The following RAB7A variants were observed in gnomAD, a reference collection of about 807,000 sequenced individuals.
RAB7A encodes RAB7A, member RAS oncogene family.
Under a neutral mutation model 24.5 loss-of-function variants are expected in RAB7A, and 2 were observed. That is an observed-to-expected ratio of 0.08 (90% confidence interval 0.03 to 0.26). RAB7A has a LOEUF of 0.26. RAB7A is among the 10% of genes least tolerant of loss of function. The pLI, the probability that RAB7A is intolerant of heterozygous loss-of-function variation, is 1.00. For missense variants in RAB7A, 118 were observed against 255.7 expected (o/e 0.46, Z 3.67); for synonymous variants, 100 against 95.9 (o/e 1.04, Z -0.25).
chr3:128,743,059 C>A (rs1411837022), intron 1 of RAB7A, among the ~76,000 whole-genome samples: 1 of 152,190 alleles, frequency 6.6e-6, no homozygotes, highest in African/African-American at 2.4e-5. Context: ...GGTCCAGAGC[C>A]CTGCCCCACG....
At chr3:128,753,215 C>T (rs899389867) in intron 1 of RAB7A, among the ~76,000 whole-genome samples, 1 of 152,072 alleles carries the variant, frequency 6.6e-6, no homozygotes, top group African/African-American at 2.4e-5. Context: ...TATGCAGCAA[C>T]ATGGATGAAA....
intron 1 of RAB7A, among the ~76,000 whole-genome samples, chr3:128,772,644 T>TG (rs1032261329): frequency 1.3e-5 from 2 of 152,266 alleles, no homozygotes; most frequent in Non-Finnish European, 2.9e-5. Flanking sequence ...CTTGTGCCCT[T>TG]TCGCAAATTG....
intron 2 of RAB7A, among the ~76,000 whole-genome samples, chr3:128,795,751 C>CTGTTTTTTTTTTTTTTTTTTT (rs1933554904): frequency 2.3e-5 from 1 of 43,032 alleles, no homozygotes; most frequent in Non-Finnish European, 4.7e-5. Flanking sequence ...AGCAGATGTG[C>CTGTTTTTTTTTTTTTTTTTTT]TTTTTTTTTT....
chr3:128,781,324 C>G (rs1176405199), intron 1 of RAB7A, among the ~76,000 whole-genome samples: 1 of 152,162 alleles, frequency 6.6e-6, no homozygotes, highest in African/African-American at 2.4e-5. Flanking sequence ...TGTGCATTAT[C>G]TCATTTGTGG....
intron 1 of RAB7A, among the ~76,000 whole-genome samples, chr3:128,729,679 A>G (rs1210000605): frequency 6.6e-6 from 1 of 152,196 alleles, no homozygotes; most frequent in East Asian, 1.9e-4. Context: ...AGACCACGCA[A>G]ATATGACAGT....
intron 1 of RAB7A, among the ~76,000 whole-genome samples, chr3:128,774,141 T>C (rs1933023853): frequency 7.1e-6 from 1 of 140,806 alleles, no homozygotes; most frequent in African/African-American, 2.6e-5. Context: ...TCTTCTGATA[T>C]GGAAAGAGGT....
chr3:128,802,165 C>A (rs546372135), intron 3 of RAB7A, among the ~76,000 whole-genome samples: 9 of 152,284 alleles, frequency 5.9e-5, no homozygotes, highest in African/African-American at 1.9e-4. Flanking sequence ...TTTTTGGAAT[C>A]GTGAGTATGT....
intron 1 of RAB7A, among the ~76,000 whole-genome samples, chr3:128,761,155 C>G (rs919516226): frequency 6.6e-6 from 1 of 152,138 alleles, no homozygotes; most frequent in Non-Finnish European, 1.5e-5. Flanking sequence ...AAAATTCTGG[C>G]CTGTATTCTT....
At chr3:128,755,449 A>G (rs192225821) in intron 1 of RAB7A, among the ~76,000 whole-genome samples, 4 of 152,358 alleles carry the variant, frequency 2.6e-5, no homozygotes, top group Admixed American at 2.6e-4. Flanking sequence ...ACACCTTAAC[A>G]AAGTAGAAAA....
At chr3:128,805,008 C>T (rs915319063) in intron 3 of RAB7A, among the ~76,000 whole-genome samples, 12 of 152,142 alleles carry the variant, frequency 7.9e-5, no homozygotes, top group Non-Finnish European at 1.5e-5. Context: ...GAGAGTATCA[C>T]ATGTGCAGTC....
At chr3:128,748,842 C>T (rs2070647154) in intron 1 of RAB7A, 1 of 152,180 alleles carries the variant, frequency 6.6e-6, no homozygotes, top group South Asian at 2.1e-4. Context: ...TAACATATCT[C>T]GTCTTGCAGT....
At chr3:128,750,070 C>T (rs116411100) in intron 1 of RAB7A, among the ~76,000 whole-genome samples, 284 of 152,266 alleles carry the variant, frequency 1.9e-3, no homozygotes, top group African/African-American at 6.2e-3. Context: ...GACCAAAAGC[C>T]TGATAGCAAT....
At chr3:128,767,712 C>T (rs1193649179) in intron 1 of RAB7A, among the ~76,000 whole-genome samples, 2 of 152,122 alleles carry the variant, frequency 1.3e-5, no homozygotes, top group African/African-American at 2.4e-5. Context: ...ACAAGGCAGA[C>T]GTTTGCAGCA....
chr3:128,742,816 TA>T (rs1256758463), intron 1 of RAB7A, among the ~76,000 whole-genome samples: 1 of 152,072 alleles, frequency 6.6e-6, no homozygotes, highest in Non-Finnish European at 1.5e-5. Context: ...TAGCTAGACA[TA>T]AAAGTTCTTC....
intron 3 of RAB7A, among the ~76,000 whole-genome samples, chr3:128,806,064 T>C (rs76084482): frequency 0.016 from 2,374 of 152,312 alleles, 59 homozygotes; most frequent in African/African-American, 0.054. Flanking sequence ...CTAAGTTTTA[T>C]TTATAGTTCA....
At chr3:128,791,893 G>T (rs1297737027) in intron 1 of RAB7A, among the ~76,000 whole-genome samples, 1 of 152,160 alleles carries the variant, frequency 6.6e-6, no homozygotes, top group Non-Finnish European at 1.5e-5. Flanking sequence ...CTGCCTGCCA[G>T]CTTTGTCTGT....
chr3:128,728,729 C>G (rs865801233), intron 1 of RAB7A, among the ~76,000 whole-genome samples: 1 of 152,160 alleles, frequency 6.6e-6, no homozygotes, highest in Non-Finnish European at 1.5e-5. Flanking sequence ...CCGAAAAGTG[C>G]TGGGATTACA....
At chr3:128,763,497 G>A (rs1341397695) in intron 1 of RAB7A, among the ~76,000 whole-genome samples, 1 of 152,088 alleles carries the variant, frequency 6.6e-6, no homozygotes, top group African/African-American at 2.4e-5. Context: ...GATTACAGGC[G>A]TGAGCCACCA....
rs148774060 is a variant in RAB7A, at chr3:128,789,152, A to G, written c.-8-6208A>G. Among the ~76,000 whole-genome samples the G allele has an allele frequency of 3.3e-3, 502 of 152,282 alleles. 4 individuals are homozygous for G. Among genetic ancestry groups the G allele is most frequent in the African/African-American group, 0.011 (477 of 41,562 alleles). ...TAGAAAATTTTTAGAGGATATTAAT[A>G]TATACATGGATTAATGGATGTTATC... On this transcript the variant is annotated intron_variant, in intron 1 of 5. Coordinates refer to ENST00000265062, the MANE Select transcript of RAB7A (RefSeq NM_004637.6).
Sources: allele counts gnomAD v4.1 joint callset (sites outside exome capture counted in the v4.1 genomes callset), GRCh38; gene constraint gnomAD v4.1.1; transcripts MANE v1.5; gene names NCBI Gene and HGNC (gene_info 2026-07-23, HGNC 2026-07-21).